Variants in IFFO1 observed in about 807,000 individuals in gnomAD.
IFFO1 encodes the protein intermediate filament family orphan 1, also known as non-homologous end joining factor IFFO1.
In IFFO1, 42 loss-of-function variants were observed where a neutral mutation model predicts 59.6. The observed-to-expected ratio is 0.70, with a 90% CI of 0.55 to 0.91. The LOEUF is 0.91. Ranked by LOEUF, IFFO1 falls within the 40% of genes least tolerant of loss-of-function variation. The pLI, the probability that IFFO1 is intolerant of heterozygous loss-of-function variation, is 0.00. For missense variants in IFFO1, 711 were observed against 793.2 expected (o/e 0.90, Z 1.24); for synonymous variants, 336 against 342.8 (o/e 0.98, Z 0.22).
In IFFO1 at chr12:6,554,407, A is replaced by G. The variant is rs12580085; in HGVS notation, c.773+850T>C. ...CTATCGGCTTGGTTATCAGCCATCTAAGGAATCCACTTGGTATACAGCCAG... is the reference window on the plus strand; with the variant it reads ...CTATCGGCTTGGTTATCAGCCATCTGAGGAATCCACTTGGTATACAGCCAG... On this transcript the variant is annotated intron_variant, in intron 1 of 9. Transcript: ENST00000619571. Among the ~76,000 whole-genome samples, 85 of 152,272 alleles carry G rather than the reference A, an allele frequency of 5.6e-4. 1 individual carries two copies. In the East Asian group the frequency reaches 0.016, roughly 28 times the overall value.
At position 6,548,330 on chromosome 12, in the gene IFFO1, C is replaced by T; in HGVS notation, c.1383+95G>A. 4 of 1,457,352 alleles carry T rather than the reference C, an allele frequency of 2.7e-6. No individual in the cohort carries two copies. In the South Asian group the frequency reaches 5.0e-5, roughly 18 times the overall value. 90.3% of individuals were successfully genotyped at this position (1,457,352 alleles called of 1,614,324 possible). A position where few individuals can be genotyped will look rare whatever the true frequency, so the allele number is the denominator to read the frequency against. On this transcript the variant is annotated intron_variant, in intron 7 of 9. Transcript: ENST00000619571. The surrounding 1 kb of genome is among the most constrained non-coding windows in gnomAD (Gnocchi z 6.1). ...GGAGACGCAGGTAGAGGATGACAGC[C>T]ACATGGGGGGACAGAGCAAGGAGAG...
In IFFO1 at chr12:6,555,735, G is replaced by A. The variant is rs767969127; in HGVS notation, c.295C>T (p.Arg99Trp). The change falls in exon 1 of 10, where the codon CGG becomes TGG. Residue 99 changes from arginine to tryptophan, a missense_variant. Around this residue, in one of 3 missense-constraint regions of IFFO1, gnomAD observed 18 missense variants for 40.5 expected, o/e 0.44. Coordinates refer to ENST00000619571, the MANE Select transcript of IFFO1 (RefSeq NM_001193457.2). This position sits in a 1 kb window ranked among gnomAD's most constrained non-coding sequence, Gnocchi z 8.6. ...AKVHELERRN[R>W]LLEKQLQQAL... is the part of the protein sequence containing the mutation. ...TGCTGCAGTTGCTTCTCCAACAGCC[G>A]GTTCCGGCGCTCCAGCTCATGCACC... is the stretch of plus-strand genomic sequence containing the variant. 3 of 1,612,738 alleles carry A rather than the reference G, an allele frequency of 1.9e-6. No individual in the cohort carries two copies. The highest frequency in any genetic ancestry group is 2.2e-5 in the East Asian group (1 of 44,756).
At position 6,551,265 on chromosome 12, in the gene IFFO1, C is replaced by G. The variant is rs902684535; in HGVS notation, c.774-264G>C. On this transcript the variant is annotated intron_variant, in intron 1 of 9. Transcript: ENST00000619571. ...CTGTGCACCAGGAGCTCTGTTTGGG[C>G]AAGTGCTGAGGCTCCGGTCCTCCGT... 8.5e-5 allele frequency: 53 copies of G among 621,906 alleles called. 1 individual carries two copies. The Middle Eastern group carries it at 2.8e-3, about 33-fold the overall frequency. The allele number at this position is 621,906 out of a possible 1,614,324, so 38.5% of individuals were successfully genotyped here.
chr12:6,548,879 G>T lies in IFFO1; in HGVS notation c.1081-30C>A. ...AGAGACGAGGCCGGGTGCATGAGGA[G>T]AAAGGGCGGGAGCGGGAGGCCGGGC... On this transcript the variant is annotated intron_variant, in intron 5 of 9. Coordinates refer to ENST00000619571, the MANE Select transcript of IFFO1 (RefSeq NM_001193457.2). This position sits in a 1 kb window ranked among gnomAD's most constrained non-coding sequence, Gnocchi z 6.1. 6.3e-7 allele frequency: 1 copy of T among 1,576,262 alleles called. No homozygotes were observed. Among genetic ancestry groups the T allele is most frequent in the South Asian group, 1.1e-5 (1 of 87,908 alleles).
chr12:6,551,684 C>T (rs959423021), intron 1 of IFFO1: 11 of 387,564 alleles, frequency 2.8e-5, no homozygotes, highest in East Asian at 7.2e-5. Context: ...AGTGGACACA[C>T]GAGCCTGGGG....
rs1238919112 is a variant in IFFO1, at chr12:6,548,009, G to T, written c.1479+56C>A. 2 of 1,315,940 alleles carry T rather than the reference G, an allele frequency of 1.5e-6. No homozygotes were observed. Among genetic ancestry groups the T allele is most frequent in the East Asian group, 2.3e-5 (1 of 43,512 alleles). The allele number at this position is 1,315,940 out of a possible 1,614,324, so 81.5% of individuals were successfully genotyped here. ...CAGGGATGAGGCCACTGCGCCTGCA[G>T]CCCCACTCAAAACCCTCTGGGACAC... is the stretch of plus-strand genomic sequence containing the variant. On this transcript the variant is annotated intron_variant, in intron 8 of 9. Transcript: ENST00000619571. This position sits in a 1 kb window ranked among gnomAD's most constrained non-coding sequence, Gnocchi z 6.1.
At position 6,555,868 on chromosome 12, in the gene IFFO1, G is replaced by C; in HGVS notation, c.162C>G (p.Pro54=). The part of the protein sequence containing the change: ...SPAGPAAYSP[P]GPGPAPPAAM... ...CGGCAGGCGGGGCCGGGCCCGGCCC[G>C]GGCGGCGAGTAGGCAGCAGGGCCGG... Residue 54 remains proline (P), a synonymous_variant, in exon 1 of 10, where the codon CCC becomes CCG. Transcript: ENST00000619571. This position sits in a 1 kb window ranked among gnomAD's most constrained non-coding sequence, Gnocchi z 8.6. The C allele has an allele frequency of 6.2e-7, 1 of 1,605,918 alleles. No homozygotes were observed. The highest frequency in any genetic ancestry group is 8.5e-7 in the Non-Finnish European group (1 of 1,177,760).
At position 6,541,490 on chromosome 12, in the gene IFFO1, C is replaced by A; in HGVS notation, c.1610+22G>T. 6.2e-7 allele frequency: 1 copy of A among 1,612,190 alleles called. No homozygotes were observed. Among genetic ancestry groups the A allele is most frequent in the South Asian group, 1.1e-5 (1 of 91,046 alleles). ...CCCGCTGTGTCCCCCTGGAAGGCCC[C>A]ATGCCCAGGGGAGGCGCCTACCGGT... On this transcript the variant is annotated intron_variant, in intron 9 of 9. Coordinates refer to ENST00000619571, the MANE Select transcript of IFFO1 (RefSeq NM_001193457.2). This position sits in a 1 kb window ranked among gnomAD's most constrained non-coding sequence, Gnocchi z 4.8.
Position 6,550,755 on chromosome 12 carries a change from C to CAGCT in IFFO1, c.866_869dup (p.Leu292GlyfsTer10). 1.9e-6 allele frequency: 3 copies of CAGCT among 1,614,196 alleles called. No homozygotes were observed. Among genetic ancestry groups the CAGCT allele is most frequent in the Non-Finnish European group, 1.7e-6 (2 of 1,180,016 alleles). ...CCTTCAACTGTTCCACCTTCAGTGCCAGCTCCTCCTGGCAGGCATCAGCCT... is the reference window on the plus strand; with the variant it reads ...CCTTCAACTGTTCCACCTTCAGTGCCAGCTAGCTCCTCCTGGCAGGCATCAGCCT... On this transcript the variant is annotated frameshift_variant, in exon 3 of 10. Transcript: ENST00000619571. LOFTEE classifies it high-confidence loss of function.
intron 8 of IFFO1, among the ~76,000 whole-genome samples, chr12:6,547,290 G>A (rs1947008394): frequency 6.6e-6 from 1 of 152,154 alleles, no homozygotes; most frequent in African/African-American, 2.4e-5. Flanking sequence ...GCACACGCCT[G>A]TGGTCCCAGC....
intron 1 of IFFO1, chr12:6,551,531 G>A (rs745344028): frequency 8.9e-6 from 11 of 1,241,648 alleles, no homozygotes; most frequent in Non-Finnish European, 1.2e-5. Context: ...TATCAACAGA[G>A]TGGGTCAAGA....
At position 6,548,409 on chromosome 12, in the gene IFFO1, C is replaced by T. The variant is rs780036370; in HGVS notation, c.1383+16G>A. 4.4e-5 allele frequency: 71 copies of T among 1,597,930 alleles called. No homozygotes were observed. The highest frequency in any genetic ancestry group is 5.5e-5 in the Non-Finnish European group (64 of 1,172,316). ...AGGCAGAGCCAGAGGGCCCTGAGGC[C>T]GGGAGCAGAGGTTACCTCTCCCTGG... On this transcript the variant is annotated intron_variant, in intron 7 of 9. Transcript: ENST00000619571. The surrounding 1 kb of genome is among the most constrained non-coding windows in gnomAD (Gnocchi z 6.1).
chr12:6,553,916 G>A (rs187683204), intron 1 of IFFO1, among the ~76,000 whole-genome samples: 3 of 152,300 alleles, frequency 2.0e-5, no homozygotes, highest in African/African-American at 4.8e-5. Context: ...TTCTGGGTGG[G>A]ATCACTAGTG....
chr12:6,550,902 C>T (rs1565574410), intron 2 of IFFO1, 39 bp downstream of exon 2: 2 of 1,611,668 alleles, frequency 1.2e-6, no homozygotes, highest in Non-Finnish European at 1.7e-6. Flanking sequence ...ACAGGGGTAC[C>T]CAGGGAAGCA....
rs758722003 is a variant in IFFO1, at chr12:6,549,320, G to A, written c.1080+156C>T. The A allele has an allele frequency of 1.7e-4, 119 of 712,442 alleles. No homozygotes were observed. The highest frequency in any genetic ancestry group is 2.7e-4 in the Non-Finnish European group (111 of 404,214). The allele number at this position is 712,442 out of a possible 1,614,324, so 44.1% of individuals were successfully genotyped here. A position where few individuals can be genotyped will look rare whatever the true frequency, so the allele number is the denominator to read the frequency against. On this transcript the variant is annotated intron_variant, in intron 5 of 9. Coordinates refer to ENST00000619571, the MANE Select transcript of IFFO1 (RefSeq NM_001193457.2). The surrounding 1 kb of genome is among the most constrained non-coding windows in gnomAD (Gnocchi z 5.0). ...AAGAAATGCAGTCAAGAGAACAAGAGATAGAGAGAAAAAGGGGGAAGAGCA... is the reference window on the plus strand; with the variant it reads ...AAGAAATGCAGTCAAGAGAACAAGAAATAGAGAGAAAAAGGGGGAAGAGCA...
chr12:6,548,069 A>G lies in IFFO1; in HGVS notation c.1475T>C (p.Ile492Thr), dbSNP rs1265723093. 4 of 1,612,200 alleles carry G rather than the reference A, an allele frequency of 2.5e-6. No homozygotes were observed. Among genetic ancestry groups the G allele is most frequent in the African/African-American group, 1.3e-5 (1 of 74,836 alleles). ...EKEYQETIDQ[I>T]ELELATAKND... ...GGCTTCCGCTCCTGCCCTTACCTCTATCTGGTCAATGGTCTCCTGATACTC... is the reference window on the plus strand; with the variant it reads ...GGCTTCCGCTCCTGCCCTTACCTCTGTCTGGTCAATGGTCTCCTGATACTC... The change falls in exon 8 of 10, where the codon ATA (isoleucine) becomes ACA (threonine). Residue 492 changes from isoleucine to threonine, a missense_variant. Physicochemically the swap from Ile to Thr is moderately conservative, Grantham distance 89. Transcript: ENST00000619571. This position sits in a 1 kb window ranked among gnomAD's most constrained non-coding sequence, Gnocchi z 6.1.
chr12:6,551,817 A>C, intron 1 of IFFO1: 1 of 300,058 alleles, frequency 3.3e-6, no homozygotes, highest in Non-Finnish European at 6.7e-6. Context: ...TTAAGACTGC[A>C]AGTGGGCCGG....
chr12:6,545,697 C>T (rs1028148256), intron 8 of IFFO1, among the ~76,000 whole-genome samples: 3 of 104,854 alleles, frequency 2.9e-5, no homozygotes, highest in Non-Finnish European at 4.1e-5. Context: ...GACTCCGTCT[C>T]GGAAAAAAAA....
intron 8 of IFFO1, among the ~76,000 whole-genome samples, chr12:6,542,353 T>G (rs1201180517): frequency 1.3e-5 from 2 of 152,326 alleles, no homozygotes; most frequent in African/African-American, 4.8e-5. Flanking sequence ...GGGCCCATTC[T>G]GCAGCCCACA....
Sources: allele counts gnomAD v4.1 joint callset (sites outside exome capture counted in the v4.1 genomes callset), GRCh38; gene constraint gnomAD v4.1.1; regional missense constraint gnomAD v4.1.1; non-coding constraint Gnocchi (gnomAD v3.1); transcripts MANE v1.5; gene names NCBI Gene and HGNC (gene_info 2026-07-23, HGNC 2026-07-21).